Variants in ATF2 observed in about 807,000 individuals in gnomAD.
The protein encoded by ATF2 is cyclic AMP-dependent transcription factor ATF-2.
In ATF2, 24 loss-of-function variants were observed where a neutral mutation model predicts 60.6. The observed-to-expected ratio is 0.40, with a 90% confidence interval of 0.29 to 0.56. ATF2 has a LOEUF of 0.56. Among genes scored for constraint, ATF2 ranks in the 20% least tolerant of loss-of-function variants. The pLI is 0.54. For missense variants in ATF2, 433 were observed against 607.7 expected (o/e 0.71, Z 3.02); for synonymous variants, 206 against 215.4 (o/e 0.96, Z 0.38).
intron 2 of ATF2, among the ~76,000 whole-genome samples, chr2:175,146,530 A>G (rs1245095449): frequency 6.6e-6 from 1 of 152,240 alleles, no homozygotes; most frequent in Non-Finnish European, 1.5e-5. Flanking sequence ...TTGTATGTAA[A>G]TAATATGCAC....
intron 12 of ATF2, chr2:175,092,550 G>A (rs1694624519): frequency 2.3e-6 from 1 of 436,504 alleles, no homozygotes; most frequent in African/African-American, 2.1e-5. Context: ...TACCTGGTCT[G>A]TGGATAATTA....
Position 175,086,373 on chromosome 2 carries a change from A to C in ATF2, c.1186-5608T>G, listed in dbSNP as rs541810132. Among the ~76,000 whole-genome samples the C allele has an allele frequency of 1.9e-3, 284 of 152,310 alleles. 1 individual carries two copies. Among genetic ancestry groups the C allele is most frequent in the Middle Eastern group, 3.4e-3 (1 of 294 alleles). Reference sequence around the variant, plus strand: ...TGCAAAGCAAACATAGCTGGAGTGCAGTTTAGGCATGAGGGTGGGCCAAAC... The same window carrying C: ...TGCAAAGCAAACATAGCTGGAGTGCCGTTTAGGCATGAGGGTGGGCCAAAC... On this transcript the variant is annotated intron_variant, in intron 12 of 13. Transcript: ENST00000264110.
rs1695400196 is a variant in ATF2, at chr2:175,102,850, G to A, written c.829-5257C>T. Among the ~76,000 whole-genome samples the A allele has an allele frequency of 1.3e-5, 2 of 151,976 alleles. 1 individual carries two copies. Among genetic ancestry groups the A allele is most frequent in the African/African-American group, 4.8e-5 (2 of 41,398 alleles). On this transcript the variant is annotated intron_variant, in intron 10 of 13. Coordinates refer to ENST00000264110, the MANE Select transcript of ATF2 (RefSeq NM_001880.4). Reference sequence around the variant, plus strand: ...ATAATTTTAATTTAAAGTAAAGGTAGACTTTGTTTGATAAACAAAAATGTC... The same window carrying A: ...ATAATTTTAATTTAAAGTAAAGGTAAACTTTGTTTGATAAACAAAAATGTC...
chr2:175,088,783 AAATT>A (rs1324272142), intron 12 of ATF2, among the ~76,000 whole-genome samples: 2 of 152,104 alleles, frequency 1.3e-5, no homozygotes, highest in Non-Finnish European at 2.9e-5. Context: ...TATAAACTGA[AAATT>A]AACCCCCATA....
At chr2:175,099,441 T>C (rs1695166353) in intron 10 of ATF2, among the ~76,000 whole-genome samples, 1 of 152,138 alleles carries the variant, frequency 6.6e-6, no homozygotes, top group African/African-American at 2.4e-5. Context: ...TCATGCAACC[T>C]ACCCTACAAT....
intron 9 of ATF2, among the ~76,000 whole-genome samples, chr2:175,112,163 T>C (rs1027501846): frequency 2.0e-5 from 3 of 152,234 alleles, no homozygotes; most frequent in Admixed American, 6.5e-5. Context: ...TCCTTTTTTT[T>C]CTTAAACCTA....
At chr2:175,151,980 T>C (rs1699341560) in intron 1 of ATF2, among the ~76,000 whole-genome samples, 1 of 152,178 alleles carries the variant, frequency 6.6e-6, no homozygotes, top group South Asian at 2.1e-4. Flanking sequence ...GAAACTTTTA[T>C]TTACATTTCA....
At chr2:175,143,850 T>C (rs1055052646) in intron 2 of ATF2, among the ~76,000 whole-genome samples, 1 of 152,136 alleles carries the variant, frequency 6.6e-6, no homozygotes, top group Non-Finnish European at 1.5e-5. Flanking sequence ...TGGAGTGCAG[T>C]GGCATGATCA....
intron 9 of ATF2, among the ~76,000 whole-genome samples, chr2:175,112,395 T>C (rs904720395): frequency 7.2e-5 from 11 of 152,288 alleles, no homozygotes; most frequent in Non-Finnish European, 1.2e-4. Flanking sequence ...AAAGTTCTTT[T>C]TAAAGAAGGC....
intron 4 of ATF2, among the ~76,000 whole-genome samples, chr2:175,123,356 G>A (rs1376606459): frequency 6.6e-6 from 1 of 152,010 alleles, no homozygotes; most frequent in Admixed American, 6.6e-5. Flanking sequence ...TTTAGTTTAT[G>A]TTTCAAAGAA....
intron 2 of ATF2, among the ~76,000 whole-genome samples, chr2:175,141,053 G>GTA (rs1335584530): frequency 7.9e-4 from 53 of 66,956 alleles, no homozygotes; most frequent in Middle Eastern, 0.013. Context: ...ATATATATAT[G>GTA]TATATATATA....
At chr2:175,108,019 T>C (rs1302900712) in intron 10 of ATF2, among the ~76,000 whole-genome samples, 2 of 144,864 alleles carry the variant, frequency 1.4e-5, no homozygotes, top group African/African-American at 2.6e-5. Context: ...CGTCTCTGCC[T>C]GGCCGCCCAT....
At chr2:175,075,214 A>G (rs192612481) in intron 13 of ATF2, 18 of 425,448 alleles carry the variant, frequency 4.2e-5, no homozygotes, top group Non-Finnish European at 7.5e-6. Flanking sequence ...TCTTATTACA[A>G]GATAAAAATG....
intron 3 of ATF2, among the ~76,000 whole-genome samples, chr2:175,131,821 C>T (rs1004944322): frequency 6.6e-6 from 1 of 152,030 alleles, no homozygotes; most frequent in African/African-American, 2.4e-5. Flanking sequence ...TCCCAAAGAA[C>T]GTTTTTGTTT....
chr2:175,150,292 G>A (rs577632592), intron 2 of ATF2, among the ~76,000 whole-genome samples: 23 of 151,974 alleles, frequency 1.5e-4, no homozygotes, highest in African/African-American at 5.5e-4. Flanking sequence ...CCAGATCCAG[G>A]TGTGACAAAA....
intron 2 of ATF2, among the ~76,000 whole-genome samples, chr2:175,142,507 T>C (rs1698614742): frequency 6.6e-6 from 1 of 152,174 alleles, no homozygotes; most frequent in Admixed American, 6.5e-5. Context: ...TACAAACATG[T>C]ATATGTTCCT....
At position 175,118,138 on chromosome 2, in the gene ATF2, G is replaced by A. The variant is rs761333418; in HGVS notation, c.319-20C>T. The stretch of plus-strand genomic sequence containing the variant: ...AGGCATCTATAATTCAAATAATAAG[G>A]AAAAGGTTATAAGTTCAAAAACAGT... On this transcript the variant is annotated intron_variant, in intron 6 of 13. Transcript: ENST00000264110. 1.2e-6 allele frequency: 2 copies of A among 1,605,878 alleles called. No homozygotes were observed.
intron 1 of ATF2, among the ~76,000 whole-genome samples, chr2:175,164,941 C>CCTG (rs1700255079): frequency 6.6e-6 from 1 of 152,220 alleles, no homozygotes; most frequent in African/African-American, 2.4e-5. Flanking sequence ...ACTGCAGCCT[C>CCTG]CTGCTCCTAG....
chr2:175,142,530 A>G (rs1473032190), intron 2 of ATF2, among the ~76,000 whole-genome samples: 1 of 152,064 alleles, frequency 6.6e-6, no homozygotes, highest in East Asian at 1.9e-4. Context: ...TATTTCCTCT[A>G]TTTTATTGCT....
Sources: allele counts gnomAD v4.1 joint callset (sites outside exome capture counted in the v4.1 genomes callset), GRCh38; gene constraint gnomAD v4.1.1; transcripts MANE v1.5; gene names NCBI Gene and HGNC (gene_info 2026-07-23, HGNC 2026-07-21).